RNF130: variants seen among roughly 807,000 people sequenced by gnomAD.
RNF130 encodes the protein E3 ubiquitin-protein ligase RNF130.
Under a neutral mutation model 44.6 loss-of-function variants are expected in RNF130, and 21 were observed. The ratio of observed to expected loss-of-function variants is 0.47; its 90% CI spans 0.33 to 0.68. The LOEUF is 0.68. RNF130 is among the 30% of genes least tolerant of loss of function. The pLI is 0.02. For synonymous variants in RNF130, 214 were observed against 210.4 expected, an observed-to-expected ratio of 1.02 and a Z score of -0.15; for missense variants, 479 against 560.6, an observed-to-expected ratio of 0.85 and a Z score of 1.47.
intron 3 of RNF130, among the ~76,000 whole-genome samples, chr5:180,001,417 T>C (rs1317169860): frequency 6.6e-6 from 1 of 152,106 alleles, no homozygotes; most frequent in Non-Finnish European, 1.5e-5. Flanking sequence ...TGTGGCAAAG[T>C]GGGATATGTT....
intron 1 of RNF130, among the ~76,000 whole-genome samples, chr5:180,057,349 G>A (rs1453568344): frequency 6.6e-6 from 1 of 152,208 alleles, no homozygotes; most frequent in Admixed American, 6.5e-5. Context: ...AGGAGTTTGA[G>A]ACCAGCCTGG....
rs555652172 is a variant in RNF130 at position 180,027,486 on chromosome 5, C to T, written c.442+12967G>A. Among the ~76,000 whole-genome samples, 176 of 152,244 alleles carry T rather than the reference C, an allele frequency of 1.2e-3. 1 individual carries two copies. The highest frequency in any genetic ancestry group is 3.1e-3 in the South Asian group (15 of 4,824). ...TACCGTGAATGCCTGGCTGAAAAGA[C>T]GAGACTCAGAGAAGCTTCTGATAGT... On this transcript the variant is annotated intron_variant, in intron 2 of 8. Transcript: ENST00000521389.
chr5:179,999,970 T>G (rs903125135), intron 3 of RNF130, among the ~76,000 whole-genome samples: 1 of 152,196 alleles, frequency 6.6e-6, no homozygotes, highest in Non-Finnish European at 1.5e-5. Context: ...TTTGGCGGTT[T>G]ACTGTAGTGC....
intron 1 of RNF130, among the ~76,000 whole-genome samples, chr5:180,054,607 T>A (rs1764763596): frequency 6.6e-6 from 1 of 152,240 alleles, no homozygotes; most frequent in African/African-American, 2.4e-5. Flanking sequence ...ATCTACCATG[T>A]CTCTATCAGT....
At chr5:179,998,168 C>G (rs1170605838) in intron 3 of RNF130, among the ~76,000 whole-genome samples, 13 of 152,170 alleles carry the variant, frequency 8.5e-5, no homozygotes, top group Admixed American at 6.5e-4. Flanking sequence ...CCTTGAGATG[C>G]TTCATTAGAT....
chr5:179,984,918 C>A (rs1432790054), intron 3 of RNF130, among the ~76,000 whole-genome samples: 2 of 152,160 alleles, frequency 1.3e-5, no homozygotes, highest in East Asian at 3.9e-4. Flanking sequence ...TATGCTCAAA[C>A]GGTAAGTATA....
chr5:179,930,552 G>A (rs1375570331), intron 7 of RNF130, among the ~76,000 whole-genome samples: 1 of 151,976 alleles, frequency 6.6e-6, no homozygotes, highest in Non-Finnish European at 1.5e-5. Flanking sequence ...TTGCCATATG[G>A]TAATGGCTAA....
At chr5:179,912,509 C>T (rs1471598281) in exon 8 of RNF130, 1 of 152,228 alleles carries the variant, frequency 6.6e-6, no homozygotes, top group Admixed American at 6.5e-5. Flanking sequence ...CCCAGGCTGT[C>T]TGGAGAACGC....
chr5:180,057,975 C>T (rs1764878449), intron 1 of RNF130, among the ~76,000 whole-genome samples: 1 of 152,188 alleles, frequency 6.6e-6, no homozygotes, highest in African/African-American at 2.4e-5. Flanking sequence ...TCTGCGCTAA[C>T]TTTACCAGGT....
chr5:180,065,924 T>A (rs886953157), intron 1 of RNF130, among the ~76,000 whole-genome samples: 2 of 152,116 alleles, frequency 1.3e-5, no homozygotes, highest in African/African-American at 4.8e-5. Flanking sequence ...TTGTCCAAAT[T>A]CAAATCTATC....
exon 8 of RNF130, chr5:179,912,658 C>G (rs1761482787): frequency 6.6e-6 from 1 of 152,286 alleles, no homozygotes; most frequent in South Asian, 2.1e-4. Flanking sequence ...AATCCGCAGC[C>G]TTTCTGCTGA....
intron 1 of RNF130, among the ~76,000 whole-genome samples, chr5:180,046,593 AAACAGGCG>A (rs1764572769): frequency 6.6e-6 from 1 of 152,222 alleles, no homozygotes; most frequent in Non-Finnish European, 1.5e-5. Flanking sequence ...GTGATGGTCA[AAACAGGCG>A]GCCGCACAGC....
chr5:179,948,649 TGATA>T (rs1394434100), intron 7 of RNF130, among the ~76,000 whole-genome samples: 4 of 151,882 alleles, frequency 2.6e-5, no homozygotes, highest in Non-Finnish European at 4.4e-5. Context: ...CCAGCCTGGA[TGATA>T]GATAGAGCGA....
intron 7 of RNF130, among the ~76,000 whole-genome samples, chr5:179,947,071 G>A (rs1234500145): frequency 6.6e-6 from 1 of 152,098 alleles, no homozygotes; most frequent in Non-Finnish European, 1.5e-5. Flanking sequence ...CTACTGTACT[G>A]AATGAATTCT....
intron 3 of RNF130, among the ~76,000 whole-genome samples, chr5:180,005,408 G>A (rs1291389798): frequency 2.0e-5 from 3 of 151,840 alleles, no homozygotes; most frequent in South Asian, 2.1e-4. Flanking sequence ...CAGCCTGGGC[G>A]ACAGAACAAG....
intron 2 of RNF130, among the ~76,000 whole-genome samples, chr5:180,028,485 C>T (rs1764044140): frequency 6.6e-6 from 1 of 152,112 alleles, no homozygotes; most frequent in Non-Finnish European, 1.5e-5. Context: ...TCTTTCTGGT[C>T]GAATCCTAAG....
intron 1 of RNF130, among the ~76,000 whole-genome samples, chr5:180,047,988 T>C (rs1238204535): frequency 1.5e-5 from 2 of 137,548 alleles, no homozygotes; most frequent in Admixed American, 7.8e-5. Flanking sequence ...ATGTTCACCA[T>C]GTCAACAGCA....
At chr5:180,070,747 G>A (rs1765234572) in intron 1 of RNF130, among the ~76,000 whole-genome samples, 1 of 152,126 alleles carries the variant, frequency 6.6e-6, no homozygotes. Context: ...ACTAAACAAA[G>A]TCCTTGTTCA....
chr5:180,013,039 C>A, intron 3 of RNF130, 22 bp downstream of exon 3: 1 of 1,599,820 alleles, frequency 6.3e-7, no homozygotes. Flanking sequence ...ACGAACCAAT[C>A]ACTGTTGAGT....
Sources: allele counts gnomAD v4.1 joint callset (sites outside exome capture counted in the v4.1 genomes callset), GRCh38; gene constraint gnomAD v4.1.1; transcripts MANE v1.5; gene names NCBI Gene and HGNC (gene_info 2026-07-23, HGNC 2026-07-21).